Variants in TACC1 observed in about 807,000 individuals in gnomAD.
The protein encoded by TACC1 is transforming acidic coiled-coil containing protein 1.
In TACC1, 48 loss-of-function variants were observed where a neutral mutation model predicts 84.4. The observed-to-expected ratio is 0.57, with a 90% CI of 0.45 to 0.72. The LOEUF is 0.72. TACC1 is among the 30% of genes least tolerant of loss of function. The pLI is 0.00. For synonymous variants in TACC1, 372 were observed against 376.3 expected (o/e 0.99, Z 0.13); for missense variants, 920 against 973.0 (o/e 0.95, Z 0.72).
chr8:38,838,903 T>C (rs2152311661), intron 8 of TACC1, among the ~76,000 whole-genome samples: 1 of 138,986 alleles, frequency 7.2e-6, no homozygotes, highest in Admixed American at 6.9e-5. Flanking sequence ...ATAATACTAC[T>C]TTTTTTTTTT....
chr8:38,834,128 G>A (rs1829776475), intron 6 of TACC1, among the ~76,000 whole-genome samples: 1 of 152,160 alleles, frequency 6.6e-6, no homozygotes, highest in Admixed American at 6.5e-5. Context: ...AGCTTTGCTG[G>A]GTGCCTCTGA....
At chr8:38,753,330 C>G (rs1356163323) in intron 3 of TACC1, among the ~76,000 whole-genome samples, 3 of 152,162 alleles carry the variant, frequency 2.0e-5, no homozygotes, top group African/African-American at 7.2e-5. Flanking sequence ...TCTCAAACTT[C>G]TGGGCTCAAG....
At chr8:38,740,621 A>C (rs1489525529) in intron 1 of TACC1, among the ~76,000 whole-genome samples, 2 of 152,242 alleles carry the variant, frequency 1.3e-5, no homozygotes, top group Non-Finnish European at 2.9e-5. Context: ...TTCAAAAACT[A>C]AATCTTTGTC....
At chr8:38,787,226 C>T (rs1419890535), upstream of TACC1, 20 of 1,001,556 alleles carry the variant, frequency 2.0e-5, no homozygotes, top group East Asian at 1.9e-3. Flanking sequence ...CCCCGCCGGC[C>T]GGGAGGCGGG....
At chr8:38,795,279 C>G (rs1235777556) in intron 2 of TACC1, among the ~76,000 whole-genome samples, 2 of 152,164 alleles carry the variant, frequency 1.3e-5, no homozygotes, top group Non-Finnish European at 1.5e-5. Flanking sequence ...GGCAGGGAAG[C>G]AAAGTCTACC....
At chr8:38,787,099 C>T (rs1264328994), upstream of TACC1, 22 of 976,538 alleles carry the variant, frequency 2.3e-5, no homozygotes, top group Non-Finnish European at 2.7e-5. Flanking sequence ...GGGGATCCGG[C>T]GGGCGCGCGG....
intron 3 of TACC1, 28 bp from the exon 4 acceptor site, chr8:38,825,280 G>T (rs1215183715): frequency 6.2e-7 from 1 of 1,613,632 alleles, no homozygotes; most frequent in Non-Finnish European, 8.5e-7. Context: ...ATTGCAAACT[G>T]GCTTGTTTGT....
intron 4 of TACC1, among the ~76,000 whole-genome samples, chr8:38,826,853 C>CA (rs1045310224): frequency 3.3e-5 from 5 of 150,644 alleles, no homozygotes; most frequent in East Asian, 1.9e-4. Flanking sequence ...CATAGATTTT[C>CA]AAAAAAAAAT....
intron 3 of TACC1, among the ~76,000 whole-genome samples, chr8:38,755,779 A>G (rs1809914099): frequency 1.3e-5 from 2 of 151,090 alleles, no homozygotes; most frequent in Non-Finnish European, 2.9e-5. Context: ...TAAAGAACTT[A>G]TATTCTAGTG....
intron 2 of TACC1, among the ~76,000 whole-genome samples, chr8:38,798,770 G>C (rs1820628684): frequency 6.6e-6 from 1 of 152,128 alleles, no homozygotes; most frequent in Non-Finnish European, 1.5e-5. Context: ...GGGGATCCTG[G>C]GCCCCAGCAG....
intron 3 of TACC1, among the ~76,000 whole-genome samples, chr8:38,823,576 C>T (rs1409626386): frequency 1.3e-5 from 2 of 152,198 alleles, no homozygotes; most frequent in Non-Finnish European, 2.9e-5. Context: ...AGTCCTGCCA[C>T]CCTCACCCAG....
chr8:38,834,415 A>C (rs935915786), intron 6 of TACC1, among the ~76,000 whole-genome samples: 1 of 152,236 alleles, frequency 6.6e-6, no homozygotes, highest in Non-Finnish European at 1.5e-5. Context: ...GGTCCAGCCT[A>C]CACTCAAAGG....
At chr8:38,754,094 C>G (rs1266818432) in intron 3 of TACC1, among the ~76,000 whole-genome samples, 2 of 151,844 alleles carry the variant, frequency 1.3e-5, no homozygotes, top group African/African-American at 4.8e-5. Context: ...GCTGGAATTA[C>G]AGGCACGCAC....
At chr8:38,827,523 C>A in intron 5 of TACC1, 148 bp downstream of exon 5, 1 of 787,250 alleles carries the variant, frequency 1.3e-6, no homozygotes, top group Non-Finnish European at 2.0e-6. Flanking sequence ...TGCTTCTTTA[C>A]CTGGAAAAGG....
chr8:38,765,066 T>C (rs917508896), intron 3 of TACC1, among the ~76,000 whole-genome samples: 1 of 151,334 alleles, frequency 6.6e-6, no homozygotes, highest in African/African-American at 2.4e-5. Context: ...ACCACTACAC[T>C]CTAGCCTGGT....
chr8:38,777,198 G>A (rs1814976053), intron 3 of TACC1, among the ~76,000 whole-genome samples: 1 of 151,616 alleles, frequency 6.6e-6, no homozygotes, highest in Admixed American at 6.6e-5. Flanking sequence ...AGAGGTTGCA[G>A]TGAGCCGAGA....
intron 3 of TACC1, among the ~76,000 whole-genome samples, chr8:38,776,618 A>G (rs1814842187): frequency 6.6e-6 from 1 of 152,234 alleles, no homozygotes; most frequent in African/African-American, 2.4e-5. Context: ...TGTGCATGAA[A>G]CAAAGTTTTG....
intron 1 of TACC1, among the ~76,000 whole-genome samples, chr8:38,738,039 T>C (rs996808317): frequency 6.6e-6 from 1 of 152,160 alleles, no homozygotes; most frequent in African/African-American, 2.4e-5. Context: ...GGAACCATTC[T>C]TTAAGGGAGG....
chr8:38,846,283 C>CAA (rs538545237), intron 11 of TACC1: 22,004 of 59,534 alleles, frequency 0.37, 4,656 homozygotes, highest in Non-Finnish European at 0.47. Context: ...GACTCCATCT[C>CAA]AAAAAAAAAA....
Sources: gnomAD v4.1 joint callset for allele counts (sites outside exome capture counted in the v4.1 genomes callset) on GRCh38, gnomAD v4.1.1 for gene constraint, MANE v1.5 for transcripts, NCBI Gene and HGNC (gene_info 2026-07-23, HGNC 2026-07-21) for gene names.